Variants in ZC3H12C observed in about 807,000 individuals in gnomAD.
ZC3H12C encodes zinc finger CCCH-type containing 12C.
In ZC3H12C, 20 loss-of-function variants were observed where a neutral mutation model predicts 76.3. That is an observed-to-expected ratio of 0.26 (90% CI 0.18 to 0.38). ZC3H12C has a LOEUF of 0.38. Among genes scored for constraint, ZC3H12C ranks in the 10% least tolerant of loss-of-function variants. The probability of loss-of-function intolerance (pLI) is 1.00; values close to 1 mark genes in which losing one functional copy is unlikely to be tolerated. For missense variants in ZC3H12C, 874 were observed against 1,086.5 expected (o/e 0.80, Z 2.75); for synonymous variants, 352 against 399.6 (o/e 0.88, Z 1.42).
chr11:110,096,768 A>C (rs777902750), intron 1 of ZC3H12C, among the ~76,000 whole-genome samples: 4 of 152,246 alleles, frequency 2.6e-5, no homozygotes, highest in Non-Finnish European at 4.4e-5. Context: ...TTTCCTCTGC[A>C]TAGTACGACA....
At position 110,165,508 on chromosome 11, in the gene ZC3H12C, C is replaced by G; in HGVS notation, c.2423C>G (p.Thr808Ser). Residue 808 changes from threonine to serine, a missense_variant, in exon 6 of 6, where the codon ACC becomes AGC. By Grantham distance (58) the Thr-to-Ser change is moderately conservative. This residue lies in a region of ZC3H12C where 395 missense variants were observed against 434.4 expected (regional missense o/e 0.91). Coordinates refer to ENST00000278590, the MANE Select transcript of ZC3H12C (RefSeq NM_033390.2). ...ACACAGCCGTGTTATGAGCAGTTCA[C>G]CTTCCAGAGCCTCCCTGAGCAACAG... The part of the protein sequence containing the change: ...NSTQPCYEQF[T>S]FQSLPEQQEP... 6.2e-7 allele frequency: 1 copy of G among 1,614,008 alleles called. No homozygotes were observed. The highest frequency in any genetic ancestry group is 1.3e-5 in the African/African-American group (1 of 75,048).
At chr11:110,103,471 C>T (rs747504197) in intron 1 of ZC3H12C, among the ~76,000 whole-genome samples, 1 of 152,048 alleles carries the variant, frequency 6.6e-6, no homozygotes, top group Non-Finnish European at 1.5e-5. Flanking sequence ...TATGCCAGGT[C>T]CAATATTGAG....
intron 2 of ZC3H12C, among the ~76,000 whole-genome samples, chr11:110,148,980 C>T (rs1189673386): frequency 6.6e-6 from 1 of 152,158 alleles, no homozygotes. Context: ...GTATCTAGCA[C>T]GTATGATGAG....
In ZC3H12C at chr11:110,164,684, A is replaced by G. The variant is rs768905911; in HGVS notation, c.1599A>G (p.Gln533=). 62 of 1,613,826 alleles carry G rather than the reference A, an allele frequency of 3.8e-5. 1 individual carries two copies. The Admixed American group carries it at 8.2e-4, about 21-fold the overall frequency. ...SIPATSTAKP[Q]STTSLSNGLP... is the part of the protein sequence containing the mutation. ...CAGCTACTTCTACTGCAAAACCCCA[A>G]AGCACTACATCTTTAAGCAATGGCC... is the stretch of plus-strand genomic sequence containing the variant. Residue 533 remains glutamine, a synonymous_variant, in exon 6 of 6, where the codon CAA becomes CAG. Transcript: ENST00000278590. This position sits in a 1 kb window ranked among gnomAD's most constrained non-coding sequence, Gnocchi z 5.7.
At chr11:110,100,202 C>T (rs12271723) in intron 1 of ZC3H12C, among the ~76,000 whole-genome samples, 4,010 of 129,216 alleles carry the variant, frequency 0.031, 321 homozygotes, top group Admixed American at 0.21. Flanking sequence ...TTATTAAAAG[C>T]TATATGGTAC....
At chr11:110,144,621 C>G (rs1172179424) in intron 2 of ZC3H12C, among the ~76,000 whole-genome samples, 1 of 152,032 alleles carries the variant, frequency 6.6e-6, no homozygotes, top group Admixed American at 6.5e-5. Context: ...CTTCTTTGAT[C>G]ATGTAAATAA....
chr11:110,093,535 G>A (rs1290783639), intron 1 of ZC3H12C, 103 bp downstream of exon 1: 6 of 835,736 alleles, frequency 7.2e-6, no homozygotes, highest in South Asian at 5.6e-5. Flanking sequence ...GGCGCCAGGC[G>A]GAGGGCGCCG....
intron 1 of ZC3H12C, among the ~76,000 whole-genome samples, chr11:110,120,987 T>A (rs975512915): frequency 6.6e-6 from 1 of 152,202 alleles, no homozygotes; most frequent in Non-Finnish European, 1.5e-5. Context: ...AAAGAAACTC[T>A]GAAGTCAATT....
At chr11:110,122,147 G>A (rs1861661856) in intron 1 of ZC3H12C, among the ~76,000 whole-genome samples, 1 of 152,186 alleles carries the variant, frequency 6.6e-6, no homozygotes, top group Admixed American at 6.6e-5. Flanking sequence ...TTGTGCAGAT[G>A]AGCAGCACAT....
chr11:110,137,893 A>C (rs1438486876), intron 2 of ZC3H12C, among the ~76,000 whole-genome samples: 1 of 152,186 alleles, frequency 6.6e-6, no homozygotes, highest in Non-Finnish European at 1.5e-5. Flanking sequence ...AGTTGTTTTC[A>C]TTTAAGAAAT....
chr11:110,135,304 A>G (rs930894454), intron 1 of ZC3H12C, among the ~76,000 whole-genome samples: 12 of 152,068 alleles, frequency 7.9e-5, no homozygotes, highest in Admixed American at 1.3e-4. Flanking sequence ...AGCATGGCCA[A>G]CGTGGCGAAA....
intron 1 of ZC3H12C, among the ~76,000 whole-genome samples, chr11:110,117,029 A>G (rs1861538454): frequency 6.6e-6 from 1 of 152,256 alleles, no homozygotes; most frequent in African/African-American, 2.4e-5. Context: ...CTCTGGAAAT[A>G]GTAGTCCCTT....
At chr11:110,146,048 G>A (rs981478253) in intron 2 of ZC3H12C, among the ~76,000 whole-genome samples, 1 of 152,154 alleles carries the variant, frequency 6.6e-6, no homozygotes, top group African/African-American at 2.4e-5. Context: ...GTGCTGTGGC[G>A]CGATCTCGGC....
Position 110,165,297 on chromosome 11 carries a change from C to G in ZC3H12C, c.2212C>G (p.His738Asp). 1 of 1,614,038 alleles carries G rather than the reference C, an allele frequency of 6.2e-7. No homozygotes were observed. Among genetic ancestry groups the G allele is most frequent in the Non-Finnish European group, 8.5e-7 (1 of 1,179,894 alleles). The change falls in exon 6 of 6, where the codon CAC becomes GAC. Residue 738 changes from histidine to aspartate, a missense_variant. By Grantham distance (81) the His-to-Asp change is moderately conservative (BLOSUM62 -1). Coordinates refer to ENST00000278590, the MANE Select transcript of ZC3H12C (RefSeq NM_033390.2). ...AAGTTCAGCACACTCTAAGGCACCA[C>G]ACCTAGGGAGGTCCTTGGTGGCCAC... ...PPSSAHSKAP[H>D]LGRSLVATRI...
intron 3 of ZC3H12C, among the ~76,000 whole-genome samples, chr11:110,158,617 C>G (rs1165764178): frequency 6.6e-6 from 1 of 152,144 alleles, no homozygotes; most frequent in African/African-American, 2.4e-5. Context: ...TTTACTCAGT[C>G]TGACCCCCAC....
chr11:110,153,119 T>C, intron 3 of ZC3H12C, 61 bp downstream of exon 3: 1 of 1,557,938 alleles, frequency 6.4e-7, no homozygotes, highest in Non-Finnish European at 8.7e-7. Flanking sequence ...TGCAGGTGTC[T>C]GACACTGTCA....
At position 110,165,274 on chromosome 11, in the gene ZC3H12C, G is replaced by T; in HGVS notation, c.2189G>T (p.Ser730Ile). 6.2e-7 allele frequency: 1 copy of T among 1,613,996 alleles called. No homozygotes were observed. Among genetic ancestry groups the T allele is most frequent in the Non-Finnish European group, 8.5e-7 (1 of 1,179,896 alleles). Reference protein sequence around the residue: ...SCPGDYPSPPSSAHSKAPHLG... With the variant: ...SCPGDYPSPPISAHSKAPHLG... ...CCTGGCGACTACCCCTCTCCTCCAA[G>T]TTCAGCACACTCTAAGGCACCACAC... Residue 730 changes from serine to isoleucine, a missense_variant, in exon 6 of 6, where the codon AGT becomes ATT. Physicochemically the swap from Ser to Ile is moderately radical, Grantham distance 142. This residue lies in a region of ZC3H12C where 395 missense variants were observed against 434.4 expected (regional missense o/e 0.91). Coordinates refer to ENST00000278590, the MANE Select transcript of ZC3H12C (RefSeq NM_033390.2).
intron 1 of ZC3H12C, among the ~76,000 whole-genome samples, chr11:110,094,848 G>A (rs1384455508): frequency 6.6e-6 from 1 of 152,168 alleles, no homozygotes; most frequent in Non-Finnish European, 1.5e-5. Context: ...TGTTGACTAT[G>A]TACCCATAGT....
At position 110,168,777 on chromosome 11, in the gene ZC3H12C, C is replaced by G. The variant is rs978909566; in HGVS notation, c.*3040C>G. On this transcript the variant is annotated 3_prime_UTR_variant, in exon 6 of 6. Transcript: ENST00000278590. ...TTTCAGTCTTGTTTTTATGATCTCT[C>G]TCTATATCCTGATAAGAGTTTGTCA... 6.6e-6 allele frequency: 1 copy of G among 152,024 alleles called. No individual in the cohort carries two copies. Among genetic ancestry groups the G allele is most frequent in the Non-Finnish European group, 1.5e-5 (1 of 67,976 alleles). The allele number at this position is 152,024 out of a possible 1,614,324, so 9.4% of individuals were successfully genotyped here. A position where few individuals can be genotyped will look rare whatever the true frequency, so the allele number is the denominator to read the frequency against.
Sources: gnomAD v4.1 joint callset for allele counts (sites outside exome capture counted in the v4.1 genomes callset) on GRCh38, gnomAD v4.1.1 for gene constraint, gnomAD v4.1.1 regional missense constraint, Gnocchi (gnomAD v3.1) non-coding constraint, MANE v1.5 for transcripts, NCBI Gene and HGNC (gene_info 2026-07-23, HGNC 2026-07-21) for gene names.